PLCB1: variants seen among roughly 807,000 people sequenced by gnomAD.
The protein encoded by PLCB1 is 1-phosphatidylinositol 4,5-bisphosphate phosphodiesterase beta-1.
A neutral mutation model predicts 161.8 loss-of-function variants in PLCB1; 46 were observed. The observed-to-expected ratio is 0.28, with a 90% CI of 0.22 to 0.36. The LOEUF (loss-of-function observed/expected upper bound fraction) is 0.36. Ranked by LOEUF, PLCB1 falls within the 10% of genes least tolerant of loss-of-function variation. PLCB1 has a pLI of 1.00. For synonymous variants in PLCB1, 517 were observed against 503.7 expected (o/e 1.03, Z -0.35); for missense variants, 1,016 against 1,472.5 (o/e 0.69, Z 5.07).
intron 2 of PLCB1, among the ~76,000 whole-genome samples, chr20:8,192,508 A>G (rs1331221099): frequency 6.6e-6 from 1 of 150,836 alleles, no homozygotes; most frequent in African/African-American, 2.5e-5. Flanking sequence ...AGGCATTGGT[A>G]GATTTTTTTT....
intron 31 of PLCB1, among the ~76,000 whole-genome samples, chr20:8,815,567 C>T (rs1353230215): frequency 5.4e-5 from 8 of 148,436 alleles, no homozygotes; most frequent in African/African-American, 1.1e-4. Context: ...TTCATTTAGC[C>T]GACGTGGAAA....
At chr20:8,356,761 C>G (rs576571659) in intron 2 of PLCB1, among the ~76,000 whole-genome samples, 1 of 152,162 alleles carries the variant, frequency 6.6e-6, no homozygotes, top group South Asian at 2.1e-4. Context: ...TTGTGAAACA[C>G]AGTAGGTTTT....
Position 8,523,496 on chromosome 20 carries a change from CTATATA to C in PLCB1, c.247-104778_247-104773del, listed in dbSNP as rs777011717. 4.6e-4 allele frequency among the ~76,000 whole-genome samples: 24 copies of C among 51,652 alleles called. 2 individuals carry two copies. Among genetic ancestry groups the C allele is most frequent in the African/African-American group, 1.3e-3 (16 of 12,120 alleles). The allele number at this position is 51,652 out of a possible 152,430, so 33.9% of individuals were successfully genotyped here. On this transcript the variant is annotated intron_variant, in intron 3 of 31. Transcript: ENST00000338037. ...TCTCTCTCTCTCTCTCTCTCTCTCTCTATATATATATATATATATATATATGGAGAG... is the reference window on the plus strand; with the variant it reads ...TCTCTCTCTCTCTCTCTCTCTCTCTCTATATATATATATATATATGGAGAG...
intron 1 of PLCB1, among the ~76,000 whole-genome samples, chr20:8,135,354 A>T (rs1224195921): frequency 6.6e-6 from 1 of 152,194 alleles, no homozygotes; most frequent in Non-Finnish European, 1.5e-5. Context: ...CAGTATAATC[A>T]CTGGTCTTGT....
At chr20:8,541,955 A>G (rs1985351089) in intron 3 of PLCB1, among the ~76,000 whole-genome samples, 1 of 152,242 alleles carries the variant, frequency 6.6e-6, no homozygotes, top group Non-Finnish European at 1.5e-5. Context: ...ATATGACTTC[A>G]TTACCCAGCT....
chr20:8,647,815 G>A, intron 5 of PLCB1, 85 bp from the exon 6 acceptor site: 1 of 1,020,958 alleles, frequency 9.8e-7, no homozygotes, highest in Admixed American at 1.8e-5. Flanking sequence ...ACAAAGGCAT[G>A]GGCTTTTTTG....
intron 3 of PLCB1, among the ~76,000 whole-genome samples, chr20:8,498,030 A>G (rs571995476): frequency 1.8e-4 from 27 of 152,352 alleles, no homozygotes; most frequent in African/African-American, 6.3e-4. Context: ...TAATAAGACA[A>G]TAAAACCAAT....
chr20:8,678,005 A>G (rs1313464469), intron 9 of PLCB1, among the ~76,000 whole-genome samples: 1 of 152,250 alleles, frequency 6.6e-6, no homozygotes, highest in Non-Finnish European at 1.5e-5. Flanking sequence ...AGCAGATAAA[A>G]GGCTCCAGAA....
At chr20:8,709,946 A>G (rs891441327) in intron 12 of PLCB1, among the ~76,000 whole-genome samples, 1 of 152,170 alleles carries the variant, frequency 6.6e-6, no homozygotes, top group South Asian at 2.1e-4. Context: ...TTTAATACCT[A>G]GTTTGCTTTG....
chr20:8,771,742 A>G (rs938830874), intron 26 of PLCB1, among the ~76,000 whole-genome samples: 7 of 152,296 alleles, frequency 4.6e-5, no homozygotes, highest in African/African-American at 1.4e-4. Flanking sequence ...CTTTTCTTCA[A>G]GTGGCAAAGC....
At chr20:8,154,194 G>C (rs1245904079) in intron 2 of PLCB1, among the ~76,000 whole-genome samples, 1 of 152,136 alleles carries the variant, frequency 6.6e-6, no homozygotes, top group African/African-American at 2.4e-5. Flanking sequence ...GTGTCTCAGA[G>C]AACTTTTCAA....
chr20:8,572,028 T>TA (rs898507872), intron 3 of PLCB1, among the ~76,000 whole-genome samples: 4 of 151,816 alleles, frequency 2.6e-5, no homozygotes, highest in Non-Finnish European at 4.4e-5. Flanking sequence ...TCATTCTAAG[T>TA]AAAAAAAAAT....
At chr20:8,471,190 T>A (rs1011092308) in intron 3 of PLCB1, among the ~76,000 whole-genome samples, 4 of 152,042 alleles carry the variant, frequency 2.6e-5, no homozygotes, top group African/African-American at 9.7e-5. Context: ...CAAAAAGGGG[T>A]CTGTGGCTTA....
chr20:8,319,297 G>T (rs563869054), intron 2 of PLCB1, among the ~76,000 whole-genome samples: 1 of 152,118 alleles, frequency 6.6e-6, no homozygotes, highest in East Asian at 1.9e-4. Context: ...TTTGAGTGGG[G>T]ATCACCTGGG....
intron 3 of PLCB1, among the ~76,000 whole-genome samples, chr20:8,392,636 T>A (rs1488839720): frequency 6.6e-6 from 1 of 152,162 alleles, no homozygotes; most frequent in Non-Finnish European, 1.5e-5. Context: ...GATATACATC[T>A]CTCAAATGGA....
At chr20:8,569,582 T>A (rs1986441664) in intron 3 of PLCB1, among the ~76,000 whole-genome samples, 1 of 152,102 alleles carries the variant, frequency 6.6e-6, no homozygotes, top group Non-Finnish European at 1.5e-5. Context: ...AAATAAAACT[T>A]GAAGAGAGTG....
At chr20:8,221,659 C>T (rs1568595504) in intron 2 of PLCB1, among the ~76,000 whole-genome samples, 2 of 152,028 alleles carry the variant, frequency 1.3e-5, no homozygotes, top group Admixed American at 6.6e-5. Context: ...CTCTTCTGTC[C>T]CCCATCAATA....
chr20:8,314,547 TTTG>T (rs1984550285), intron 2 of PLCB1, among the ~76,000 whole-genome samples: 1 of 152,202 alleles, frequency 6.6e-6, no homozygotes, highest in Non-Finnish European at 1.5e-5. Flanking sequence ...CTATATAACC[TTTG>T]TCTGCCTCAG....
chr20:8,712,382 T>C (rs1303420743), intron 12 of PLCB1, among the ~76,000 whole-genome samples: 23 of 152,212 alleles, frequency 1.5e-4, no homozygotes, highest in Admixed American at 1.4e-3. Flanking sequence ...TGAAGTCACC[T>C]ATCCATAGAC....
Sources: gnomAD v4.1 joint callset for allele counts (sites outside exome capture counted in the v4.1 genomes callset) on GRCh38, gnomAD v4.1.1 for gene constraint, MANE v1.5 for transcripts, NCBI Gene and HGNC (gene_info 2026-07-23, HGNC 2026-07-21) for gene names.